NRG3: variants seen among roughly 807,000 people sequenced by gnomAD.
The protein encoded by NRG3 is neuregulin 3, also known as pro-neuregulin-3, membrane-bound isoform.
In NRG3, 31 loss-of-function variants were observed where a neutral mutation model predicts 66.9. The observed-to-expected ratio is 0.46, with a 90% CI of 0.35 to 0.63. NRG3 has a LOEUF of 0.63. Ranked by LOEUF, NRG3 falls within the 20% of genes least tolerant of loss-of-function variation. The probability of loss-of-function intolerance (pLI) is 0.00; values close to 1 mark genes in which losing one functional copy is unlikely to be tolerated. For missense variants in NRG3, 910 were observed against 878.9 expected (o/e 1.04, Z -0.45); for synonymous variants, 393 against 359.4 (o/e 1.09, Z -1.06).
intron 3 of NRG3, among the ~76,000 whole-genome samples, chr10:82,783,970 A>C (rs1276891383): frequency 1.3e-5 from 2 of 151,928 alleles, no homozygotes; most frequent in African/African-American, 4.8e-5. Flanking sequence ...CTACAAGGCT[A>C]CAGTAACCAA....
At chr10:82,914,614 C>G (rs1019383835) in intron 4 of NRG3, among the ~76,000 whole-genome samples, 29 of 152,050 alleles carry the variant, frequency 1.9e-4, no homozygotes, top group African/African-American at 6.8e-4. Context: ...TTCTATTCTC[C>G]TGTTATTGTG....
chr10:82,789,146 CT>C (rs2060485560), intron 3 of NRG3, among the ~76,000 whole-genome samples: 2 of 152,036 alleles, frequency 1.3e-5, no homozygotes, highest in African/African-American at 4.8e-5. Flanking sequence ...TCTTCATATT[CT>C]TACCAACACT....
intron 1 of NRG3, among the ~76,000 whole-genome samples, chr10:81,981,363 A>G (rs1008399282): frequency 6.6e-6 from 1 of 152,240 alleles, no homozygotes; most frequent in African/African-American, 2.4e-5. Flanking sequence ...ATAGATCCCT[A>G]GCAAGTTTCA....
chr10:82,973,848 G>A lies in NRG3; in HGVS notation c.1345G>A (p.Val449Ile). ...GGAGAAAATGATGGAGTCAAGTTTTGTCGGCCCCCAGTCATTCCCTGAGGT... is the reference window on the plus strand; with the variant it reads ...GGAGAAAATGATGGAGTCAAGTTTTATCGGCCCCCAGTCATTCCCTGAGGT... ...ALEKMMESSFVGPQSFPEVPS... is the reference protein window; with the variant it reads ...ALEKMMESSFIGPQSFPEVPS... The change falls in exon 7 of 9, where the codon GTC becomes ATC. Residue 449 changes from valine to isoleucine, a missense_variant. Coordinates refer to ENST00000372141, the MANE Select transcript of NRG3 (RefSeq NM_001010848.4). The A allele has an allele frequency of 6.2e-7, 1 of 1,614,066 alleles. No homozygotes were observed. Among genetic ancestry groups the A allele is most frequent in the East Asian group, 2.2e-5 (1 of 44,864 alleles).
At chr10:82,100,237 C>A (rs1183539420) in intron 1 of NRG3, among the ~76,000 whole-genome samples, 3 of 151,930 alleles carry the variant, frequency 2.0e-5, no homozygotes, top group Non-Finnish European at 2.9e-5. Flanking sequence ...GATTCTATGG[C>A]TTTGCTATAT....
intron 2 of NRG3, among the ~76,000 whole-genome samples, chr10:82,532,977 A>C (rs1266508786): frequency 2.7e-5 from 4 of 149,008 alleles, no homozygotes; most frequent in African/African-American, 9.8e-5. Flanking sequence ...TTTTTTTTTT[A>C]ATAATGGCTA....
chr10:82,185,266 A>G (rs1260511762), intron 1 of NRG3, among the ~76,000 whole-genome samples: 3 of 152,168 alleles, frequency 2.0e-5, no homozygotes, highest in African/African-American at 7.2e-5. Flanking sequence ...GGAAGCTGCA[A>G]ATGAAAAATG....
At chr10:82,636,703 A>G (rs1205536236) in intron 2 of NRG3, among the ~76,000 whole-genome samples, 1 of 152,156 alleles carries the variant, frequency 6.6e-6, no homozygotes, top group Non-Finnish European at 1.5e-5. Context: ...GTTGCAATGA[A>G]CATGGGCATG....
chr10:82,589,291 A>C (rs962312699), intron 2 of NRG3, among the ~76,000 whole-genome samples: 1 of 152,230 alleles, frequency 6.6e-6, no homozygotes, highest in Non-Finnish European at 1.5e-5. Context: ...ATGCTAAAGC[A>C]GGCACCTGGG....
chr10:82,535,452 G>C (rs1847722119), intron 2 of NRG3, among the ~76,000 whole-genome samples: 1 of 151,972 alleles, frequency 6.6e-6, no homozygotes, highest in Non-Finnish European at 1.5e-5. Flanking sequence ...TATTTAAAGG[G>C]TTTTTGGTAA....
chr10:82,172,381 T>A (rs940801504), intron 1 of NRG3, among the ~76,000 whole-genome samples: 5 of 152,114 alleles, frequency 3.3e-5, no homozygotes, highest in Non-Finnish European at 5.9e-5. Flanking sequence ...CAAGAATATG[T>A]GGGTTACTGC....
At chr10:82,260,424 G>T (rs933143395) in intron 1 of NRG3, among the ~76,000 whole-genome samples, 1 of 152,114 alleles carries the variant, frequency 6.6e-6, no homozygotes, top group Admixed American at 6.6e-5. Flanking sequence ...AGAGGCCTGA[G>T]GCATCATATT....
At chr10:82,010,922 C>A (rs1218606387) in intron 1 of NRG3, among the ~76,000 whole-genome samples, 1 of 152,164 alleles carries the variant, frequency 6.6e-6, no homozygotes, top group Admixed American at 6.6e-5. Context: ...ACATGAGACG[C>A]TTCTTAAGAT....
At chr10:81,878,150 C>T (rs1472373930) in intron 1 of NRG3, 13 of 1,396,798 alleles carry the variant, frequency 9.3e-6, no homozygotes, top group Admixed American at 2.7e-5. Context: ...ACGGGAATGG[C>T]AGCCTGTTTA....
chr10:82,801,282 G>A (rs7080877), intron 3 of NRG3, among the ~76,000 whole-genome samples: 225 of 152,244 alleles, frequency 1.5e-3, no homozygotes, highest in African/African-American at 5.1e-3. Context: ...CCATGGTATC[G>A]GGATCAGTAA....
chr10:82,791,177 T>A (rs2060572627), intron 3 of NRG3, among the ~76,000 whole-genome samples: 1 of 152,162 alleles, frequency 6.6e-6, no homozygotes, highest in Admixed American at 6.5e-5. Context: ...TTTATGTTTC[T>A]TTGTGTATCC....
At chr10:82,331,127 CCTT>C (rs1213282546) in intron 1 of NRG3, among the ~76,000 whole-genome samples, 8 of 152,208 alleles carry the variant, frequency 5.3e-5, no homozygotes, top group Non-Finnish European at 1.2e-4. Flanking sequence ...TGGAAAAACA[CCTT>C]CTGCCTGTGC....
chr10:82,910,739 C>T (rs918200732), intron 4 of NRG3, among the ~76,000 whole-genome samples: 8 of 152,178 alleles, frequency 5.3e-5, no homozygotes, highest in African/African-American at 1.9e-4. Flanking sequence ...GCCATGTGAC[C>T]AGGGTATCCT....
intron 1 of NRG3, among the ~76,000 whole-genome samples, chr10:82,078,527 T>G (rs768176699): frequency 2.0e-5 from 3 of 152,076 alleles, no homozygotes; most frequent in Non-Finnish European, 2.9e-5. Context: ...ATTTTTTGTG[T>G]TTTTAGTAGA....
Sources: allele counts gnomAD v4.1 joint callset (sites outside exome capture counted in the v4.1 genomes callset), GRCh38; gene constraint gnomAD v4.1.1; transcripts MANE v1.5; gene names NCBI Gene and HGNC (gene_info 2026-07-23, HGNC 2026-07-21).